ZNF407: variants seen among roughly 807,000 people sequenced by gnomAD.
The protein encoded by ZNF407 is zinc finger protein 407.
Under a neutral mutation model 131.2 loss-of-function variants are expected in ZNF407, and 17 were observed. The observed-to-expected ratio is 0.13, with a 90% CI of 0.09 to 0.19. The LOEUF (loss-of-function observed/expected upper bound fraction) is 0.19. Ranked by LOEUF, ZNF407 falls within the 10% of genes least tolerant of loss-of-function variation. The pLI is 1.00. For missense variants in ZNF407, 2,681 were observed against 2,830.6 expected (o/e 0.95, Z 1.20); for synonymous variants, 1,156 against 1,062.0 (o/e 1.09, Z -1.72).
At chr18:74,602,979 G>C (rs758686610) in intron 1 of ZNF407, among the ~76,000 whole-genome samples, 14 of 152,096 alleles carry the variant, frequency 9.2e-5, no homozygotes, top group African/African-American at 3.4e-4. Flanking sequence ...GGTGTGTGGG[G>C]ACAGGGCATT....
At chr18:75,061,421 A>G (rs1973631977) in intron 8 of ZNF407, 1 of 152,208 alleles carries the variant, frequency 6.6e-6, no homozygotes, top group Non-Finnish European at 1.5e-5. Flanking sequence ...AATAAAGTTT[A>G]TCATTTCCAG....
chr18:74,679,271 C>T (rs1966925997), intron 3 of ZNF407, among the ~76,000 whole-genome samples: 1 of 152,136 alleles, frequency 6.6e-6, no homozygotes, highest in Non-Finnish European at 1.5e-5. Flanking sequence ...TCCTACTGTC[C>T]TTGTCTGAGC....
chr18:74,721,852 T>G (rs1416540205), intron 3 of ZNF407, among the ~76,000 whole-genome samples: 1 of 152,200 alleles, frequency 6.6e-6, no homozygotes, highest in Non-Finnish European at 1.5e-5. Context: ...GGGTATGTCT[T>G]TACTTCCCCT....
At chr18:74,716,232 T>A (rs1335221432) in intron 3 of ZNF407, among the ~76,000 whole-genome samples, 1 of 152,252 alleles carries the variant, frequency 6.6e-6, no homozygotes, top group African/African-American at 2.4e-5. Flanking sequence ...TTCTCTCAGT[T>A]CATATTGTTT....
chr18:74,750,906 T>A (rs1337027688), intron 3 of ZNF407, among the ~76,000 whole-genome samples: 2 of 152,200 alleles, frequency 1.3e-5, no homozygotes, highest in Non-Finnish European at 2.9e-5. Context: ...ATCATTGACG[T>A]TTTGATTTCA....
intron 4 of ZNF407, among the ~76,000 whole-genome samples, chr18:74,873,131 C>T (rs533636150): frequency 6.6e-6 from 1 of 152,182 alleles, no homozygotes; most frequent in African/African-American, 2.4e-5. Context: ...TTCTCTGAGG[C>T]CAAAATATCT....
At position 74,732,131 on chromosome 18, in the gene ZNF407, T is replaced by A. The variant is rs543809420; in HGVS notation, c.4803-49297T>A. On this transcript the variant is annotated intron_variant, in intron 3 of 8. Coordinates refer to ENST00000299687, the MANE Select transcript of ZNF407 (RefSeq NM_017757.3). ...TTTGCTGTATTTGAATGTAGATATT[T>A]ATTATTTGGACTTCAGTTAAATCTA... 4.6e-5 allele frequency among the ~76,000 whole-genome samples: 7 copies of A among 152,330 alleles called. No homozygotes were observed. In the South Asian group the frequency reaches 1.5e-3, roughly 32 times the overall value.
At chr18:74,980,255 C>CT (rs5826360) in intron 8 of ZNF407, among the ~76,000 whole-genome samples, 1,829 of 138,744 alleles carry the variant, frequency 0.013, 17 homozygotes, top group African/African-American at 0.032. Flanking sequence ...CTTCCCCATG[C>CT]TTTTTTTTTT....
chr18:74,659,031 T>G (rs1469299862), intron 3 of ZNF407, among the ~76,000 whole-genome samples: 1 of 152,136 alleles, frequency 6.6e-6, no homozygotes, highest in African/African-American at 2.4e-5. Context: ...GAGTGGACAT[T>G]GGTATTCTCC....
At chr18:74,800,441 C>T (rs1428991469) in intron 4 of ZNF407, among the ~76,000 whole-genome samples, 1 of 152,008 alleles carries the variant, frequency 6.6e-6, no homozygotes, top group Non-Finnish European at 1.5e-5. Context: ...GTTCCCTCTT[C>T]CACATTTTTT....
chr18:74,636,964 T>C (rs1984491896), intron 2 of ZNF407, among the ~76,000 whole-genome samples: 1 of 152,262 alleles, frequency 6.6e-6, no homozygotes, highest in African/African-American at 2.4e-5. Context: ...TTTCTTAATA[T>C]GCCCTCTTAA....
chr18:74,875,698 T>C (rs933724325), intron 4 of ZNF407, among the ~76,000 whole-genome samples: 1 of 152,206 alleles, frequency 6.6e-6, no homozygotes, highest in Non-Finnish European at 1.5e-5. Context: ...GTTATATTTG[T>C]CATTCTCTAG....
chr18:74,859,541 G>A (rs183815804), intron 4 of ZNF407, among the ~76,000 whole-genome samples: 5 of 152,304 alleles, frequency 3.3e-5, no homozygotes, highest in African/African-American at 4.8e-5. Flanking sequence ...ATGGATTTTT[G>A]TAGGAAAGTA....
At chr18:74,735,450 C>T (rs1020591629) in intron 3 of ZNF407, among the ~76,000 whole-genome samples, 30 of 152,092 alleles carry the variant, frequency 2.0e-4, no homozygotes, top group African/African-American at 5.8e-4. Flanking sequence ...TAAAATTCCC[C>T]ATCTCTGAGA....
chr18:74,650,317 G>A (rs1334718035), intron 3 of ZNF407, among the ~76,000 whole-genome samples: 1 of 152,118 alleles, frequency 6.6e-6, no homozygotes, highest in Non-Finnish European at 1.5e-5. Flanking sequence ...GTTTACAATT[G>A]TTGGTGCTTA....
intron 8 of ZNF407, among the ~76,000 whole-genome samples, chr18:74,938,020 C>G (rs759050957): frequency 6.6e-5 from 10 of 152,140 alleles, no homozygotes; most frequent in Non-Finnish European, 1.2e-4. Flanking sequence ...TTCAGGACTT[C>G]TGCAGTTGTG....
chr18:74,773,224 A>G (rs1279301013), intron 3 of ZNF407, among the ~76,000 whole-genome samples: 1 of 152,226 alleles, frequency 6.6e-6, no homozygotes, highest in Non-Finnish European at 1.5e-5. Flanking sequence ...AGAATCGACA[A>G]TAGTATGAAA....
At chr18:74,824,734 C>A (rs1192583162) in intron 4 of ZNF407, among the ~76,000 whole-genome samples, 2 of 152,046 alleles carry the variant, frequency 1.3e-5, no homozygotes, top group Non-Finnish European at 2.9e-5. Context: ...GCCTACCAAC[C>A]AAAAAAAGTC....
Position 74,634,010 on chromosome 18 carries a change from G to C in ZNF407, c.2991G>C (p.Glu997Asp). ...DKKEQISSEP[E>D]DFAQPGDVYS... is the part of the protein sequence containing the mutation. ...AGGAGCAAATATCTTCAGAGCCAGA[G>C]GACTTCGCCCAGCCGGGGGATGTGT... is the stretch of plus-strand genomic sequence containing the variant. The change falls in exon 2 of 9, where the codon GAG becomes GAC. Residue 997 changes from glutamate (E) to aspartate (D), a missense_variant. Physicochemically the swap from Glu to Asp is conservative, Grantham distance 45. Transcript: ENST00000299687. The C allele has an allele frequency of 4.3e-6, 7 of 1,614,048 alleles. No individual in the cohort carries two copies. Among genetic ancestry groups the C allele is most frequent in the Non-Finnish European group, 5.9e-6 (7 of 1,179,896 alleles).
Sources: gnomAD v4.1 joint callset for allele counts (sites outside exome capture counted in the v4.1 genomes callset) on GRCh38, gnomAD v4.1.1 for gene constraint, MANE v1.5 for transcripts, NCBI Gene and HGNC (gene_info 2026-07-23, HGNC 2026-07-21) for gene names.